Variants in STRAP observed in about 807,000 individuals in gnomAD.
STRAP encodes the protein serine/threonine kinase receptor associated protein.
Under a neutral mutation model 47.0 loss-of-function variants are expected in STRAP, and 16 were observed. The ratio of observed to expected loss-of-function variants is 0.34; its 90% CI spans 0.23 to 0.52. STRAP has a LOEUF of 0.52. Ranked by LOEUF, STRAP falls within the 20% of genes least tolerant of loss-of-function variation. The pLI is 0.96. For synonymous variants in STRAP, 130 were observed against 142.7 expected (o/e 0.91, Z 0.63); for missense variants, 293 against 420.0 (o/e 0.70, Z 2.64).
In STRAP at chr12:15,898,160, A is replaced by G. The variant is rs1297968804; in HGVS notation, c.775+142A>G. On this transcript the variant is annotated intron_variant, in intron 7 of 9. Transcript: ENST00000419869. ...AGCTAACTTAAGCTTGGTGCTTACAAGTGAAAAAGTAAAGGAGTTTTAACC... is the reference window on the plus strand; with the variant it reads ...AGCTAACTTAAGCTTGGTGCTTACAGGTGAAAAAGTAAAGGAGTTTTAACC... 4.4e-6 allele frequency: 3 copies of G among 679,414 alleles called. No homozygotes were observed. In the South Asian group the frequency reaches 8.7e-5, roughly 20 times the overall value. 42.1% of individuals were successfully genotyped at this position (679,414 alleles called of 1,614,324 possible).
rs930026629 is a variant in STRAP at position 15,890,858 on chromosome 12, G to A, written c.403+189G>A. On this transcript the variant is annotated intron_variant, in intron 4 of 9. Coordinates refer to ENST00000419869, the MANE Select transcript of STRAP (RefSeq NM_007178.4). This position sits in a 1 kb window ranked among gnomAD's most constrained non-coding sequence, Gnocchi z 4.5. Reference sequence around the variant, plus strand: ...GTGGATCACTTGAGGTCAGGAGTTCGAGACCAGCCTGGCCAACATGGCAAA... The same window carrying A: ...GTGGATCACTTGAGGTCAGGAGTTCAAGACCAGCCTGGCCAACATGGCAAA... Among the ~76,000 whole-genome samples the A allele has an allele frequency of 5.3e-5, 8 of 151,988 alleles. No homozygotes were observed. The highest frequency in any genetic ancestry group is 1.0e-4 in the Non-Finnish European group (7 of 68,006).
At position 15,890,506 on chromosome 12, in the gene STRAP, G is replaced by C; in HGVS notation, c.331-91G>C. ...TGGCATCTCTTTGTGATGTCTGTGAGCTAGATTTTGATTTTATTTGGTGTT... is the reference window on the plus strand; with the variant it reads ...TGGCATCTCTTTGTGATGTCTGTGACCTAGATTTTGATTTTATTTGGTGTT... On this transcript the variant is annotated intron_variant, in intron 3 of 9. Coordinates refer to ENST00000419869, the MANE Select transcript of STRAP (RefSeq NM_007178.4). The surrounding 1 kb of genome is among the most constrained non-coding windows in gnomAD (Gnocchi z 4.5). The C allele has an allele frequency of 1.9e-6, 2 of 1,067,580 alleles. No individual in the cohort carries two copies. Among genetic ancestry groups the C allele is most frequent in the Non-Finnish European group, 2.8e-6 (2 of 702,152 alleles). 66.1% of individuals were successfully genotyped at this position (1,067,580 alleles called of 1,614,324 possible).
At chr12:15,901,310 A>T (rs73303324) in intron 9 of STRAP, among the ~76,000 whole-genome samples, 1,668 of 152,224 alleles carry the variant, frequency 0.011, 37 homozygotes, top group African/African-American at 0.039. Context: ...AAGGGGGATT[A>T]AAAAAAGCTT....
In STRAP at chr12:15,886,768, C is replaced by G. The variant is rs540910424; in HGVS notation, c.248+3092C>G. ...CAATTTTTTTTTCCCTCCATTCTTA[C>G]GTTTCTTGGAAAACTCATTTATGGT... On this transcript the variant is annotated intron_variant, in intron 2 of 9. Transcript: ENST00000419869. Among the ~76,000 whole-genome samples the G allele has an allele frequency of 4.6e-5, 7 of 152,182 alleles. No individual in the cohort carries two copies. The South Asian group carries it at 1.5e-3, about 32-fold the overall frequency.
intron 6 of STRAP, among the ~76,000 whole-genome samples, chr12:15,897,673 A>AT (rs1320266507): frequency 1.0e-4 from 15 of 147,330 alleles, no homozygotes; most frequent in Middle Eastern, 7.1e-3. Flanking sequence ...ATGTCTTTGT[A>AT]TTGCTGAGAT....
intron 2 of STRAP, among the ~76,000 whole-genome samples, chr12:15,889,208 T>C (rs1947995609): frequency 2.0e-5 from 3 of 152,166 alleles, no homozygotes; most frequent in Admixed American, 2.0e-4. Context: ...GCCCAGAATA[T>C]ACATACACAT....
At chr12:15,886,355 C>G (rs1380877074) in intron 2 of STRAP, among the ~76,000 whole-genome samples, 1 of 152,022 alleles carries the variant, frequency 6.6e-6, no homozygotes, top group Non-Finnish European at 1.5e-5. Context: ...CTTGGCTAAT[C>G]TTTGTGTTTT....
Position 15,890,047 on chromosome 12 carries a change from G to GT in STRAP, c.330+38_330+39insT. 3 of 1,563,140 alleles carry GT rather than the reference G, an allele frequency of 1.9e-6. No individual in the cohort carries two copies. Among genetic ancestry groups the GT allele is most frequent in the Non-Finnish European group, 1.8e-6 (2 of 1,133,970 alleles). ...GGAATTTATTTTAGCGAGTTAAGTT[G>GT]CTGGTACATAGTGTGATAATGCTTT... On this transcript the variant is annotated intron_variant, in intron 3 of 9. Coordinates refer to ENST00000419869, the MANE Select transcript of STRAP (RefSeq NM_007178.4). This position sits in a 1 kb window ranked among gnomAD's most constrained non-coding sequence, Gnocchi z 4.5.
At chr12:15,883,074 T>G in intron 1 of STRAP, 1 of 1,535,638 alleles carries the variant, frequency 6.5e-7, no homozygotes, top group Non-Finnish European at 8.7e-7. Context: ...TTTATTGCTA[T>G]TTTTGAAGGA....
chr12:15,895,712 T>C (rs919708828), intron 6 of STRAP, among the ~76,000 whole-genome samples: 4 of 151,340 alleles, frequency 2.6e-5, no homozygotes, highest in African/African-American at 7.3e-5. Flanking sequence ...AAAAATAAAA[T>C]TAGCTGGGTG....
At chr12:15,891,004 G>A (rs180692708) in intron 4 of STRAP, among the ~76,000 whole-genome samples, 5 of 151,764 alleles carry the variant, frequency 3.3e-5, no homozygotes, top group African/African-American at 9.7e-5. Flanking sequence ...AGGTTGCAGT[G>A]AGCCGAGATT....
chr12:15,888,755 T>C (rs1206649628), intron 2 of STRAP, among the ~76,000 whole-genome samples: 1 of 152,208 alleles, frequency 6.6e-6, no homozygotes, highest in Non-Finnish European at 1.5e-5. Context: ...TTTAATTATA[T>C]TTCTTAAATG....
chr12:15,895,455 T>G lies in STRAP; in HGVS notation c.597T>G (p.Val199=). ...ATATTCCTGAGGGAGAGATTTTGGT[T>G]ATAACTTATGGACGATCTATTGCTT... ...MEYIPEGEIL[V]ITYGRSIAFH... Residue 199 remains valine (V), a synonymous_variant, in exon 6 of 10, where the codon GTT becomes GTG. Transcript: ENST00000419869. 6.2e-7 allele frequency: 1 copy of G among 1,608,042 alleles called. No homozygotes were observed. Among genetic ancestry groups the G allele is most frequent in the Non-Finnish European group, 8.5e-7 (1 of 1,178,494 alleles).
chr12:15,887,555 T>C lies in STRAP; in HGVS notation c.249-2373T>C, dbSNP rs1037740976. 6.6e-6 allele frequency among the ~76,000 whole-genome samples: 1 copy of C among 152,238 alleles called. No individual in the cohort carries two copies. Among genetic ancestry groups the C allele is most frequent in the Non-Finnish European group, 1.5e-5 (1 of 68,040 alleles). ...GTGAATAATGGAAATCTGCCAGAGT[T>C]AGTACATGCCCTGTCAGAAAATGTC... On this transcript the variant is annotated intron_variant, in intron 2 of 9. Coordinates refer to ENST00000419869, the MANE Select transcript of STRAP (RefSeq NM_007178.4). This position sits in a 1 kb window ranked among gnomAD's most constrained non-coding sequence, Gnocchi z 5.5.
Position 15,902,997 on chromosome 12 carries a change from G to C in STRAP, c.*19G>C, listed in dbSNP as rs761630007. 3 of 1,445,204 alleles carry C rather than the reference G, an allele frequency of 2.1e-6. No homozygotes were observed. In the African/African-American group the frequency reaches 4.6e-5, roughly 22 times the overall value. The allele number at this position is 1,445,204 out of a possible 1,614,324, so 89.5% of individuals were successfully genotyped here. ...GGCCTGAGCGTCAATCATATGTGCA[G>C]TTAGTATACAACTGACTAAAACAAG... On this transcript the variant is annotated 3_prime_UTR_variant, in exon 10 of 10. Coordinates refer to ENST00000419869, the MANE Select transcript of STRAP (RefSeq NM_007178.4).
chr12:15,898,142 T>C (rs1948075283), intron 7 of STRAP, 124 bp downstream of exon 7: 3 of 872,004 alleles, frequency 3.4e-6, no homozygotes, highest in Admixed American at 8.0e-5. Flanking sequence ...TTCAGCTAAC[T>C]TAAGCTTGGT....
At chr12:15,888,001 A>T (rs548697298) in intron 2 of STRAP, among the ~76,000 whole-genome samples, 1 of 152,210 alleles carries the variant, frequency 6.6e-6, no homozygotes, top group Non-Finnish European at 1.5e-5. Context: ...CTGTCATTCT[A>T]ATACTTGTGA....
chr12:15,891,481 A>G (rs1043347394), intron 4 of STRAP, among the ~76,000 whole-genome samples: 4 of 152,250 alleles, frequency 2.6e-5, no homozygotes, highest in South Asian at 2.1e-4. Context: ...TGGTTATATC[A>G]TAAGTGAATT....
Position 15,903,122 on chromosome 12 carries a change from A to G in STRAP, c.*144A>G, listed in dbSNP as rs1591991433. The G allele has an allele frequency of 3.5e-6, 3 of 845,650 alleles. No homozygotes were observed. In the East Asian group the frequency reaches 8.7e-5, roughly 24 times the overall value. The allele number at this position is 845,650 out of a possible 1,614,324, so 52.4% of individuals were successfully genotyped here. A position where few individuals can be genotyped will look rare whatever the true frequency, so the allele number is the denominator to read the frequency against. ...ATGAATTAGCTCCAGTGCTGGAACA[A>G]CTAACTAACTTGGTGTTACCTGTAA... On this transcript the variant is annotated 3_prime_UTR_variant, in exon 10 of 10. Coordinates refer to ENST00000419869, the MANE Select transcript of STRAP (RefSeq NM_007178.4).
Sources: allele counts gnomAD v4.1 joint callset (sites outside exome capture counted in the v4.1 genomes callset), GRCh38; gene constraint gnomAD v4.1.1; non-coding constraint Gnocchi (gnomAD v3.1); transcripts MANE v1.5; gene names NCBI Gene and HGNC (gene_info 2026-07-23, HGNC 2026-07-21).